The following ZFX variants were observed in gnomAD, a reference collection of about 807,000 sequenced individuals.
ZFX encodes the protein zinc finger X-chromosomal protein.
For synonymous variants in ZFX, 196 were observed against 226.8 expected, an observed-to-expected ratio of 0.86 and a Z score of 1.22; for missense variants, 362 against 628.3, an observed-to-expected ratio of 0.58 and a Z score of 4.53.
At chrX:24,150,235 G>A (rs1396785968) in intron 1 of ZFX, 1 of 100,714 alleles carries the variant, frequency 9.9e-6, no homozygotes, top group Non-Finnish European at 2.1e-5. Context: ...CTGCTGCAGG[G>A]GACGATAGAG....
At chrX:24,174,396 A>ATTT (rs199790697) in intron 4 of ZFX, among the ~76,000 whole-genome samples, 21 of 94,547 alleles carry the variant, frequency 2.2e-4, no homozygotes, top group African/African-American at 4.3e-4. Context: ...TTAAATTAAA[A>ATTT]TTTTTTTTTT....
In ZFX at chrX:24,210,395, G is replaced by A. The variant is rs1937989903; in HGVS notation, c.1437G>A (p.Lys479=). ...TACACAACCACCTGGAGAGCCACAA[G>A]CTGACCAGCAAGGCAGAGAAGGCCA... ...ISLHNHLESH[K]LTSKAEKAIE... The change falls in exon 10 of 10, where the codon AAG becomes AAA. Residue 479 remains lysine (K), a synonymous_variant. Transcript: ENST00000304543. 8.3e-7 allele frequency: 1 copy of A among 1,210,495 alleles called. No individual in the cohort carries two copies. Among genetic ancestry groups the A allele is most frequent in the Admixed American group, 2.2e-5 (1 of 45,783 alleles).
chrX:24,180,428 C>T (rs1368978938), intron 5 of ZFX, among the ~76,000 whole-genome samples: 1 of 106,360 alleles, frequency 9.4e-6, no homozygotes, highest in Non-Finnish European at 1.9e-5. Flanking sequence ...GTCGTCCAGG[C>T]TGGAGTGCAG....
chrX:24,156,949 C>T (rs1177912435), intron 3 of ZFX, among the ~76,000 whole-genome samples: 2 of 111,996 alleles, frequency 1.8e-5, no homozygotes, highest in South Asian at 3.7e-4. Context: ...CCACTGTGCC[C>T]GGCCTTAATA....
In ZFX at chrX:24,212,791, T is replaced by TTTGA. The variant is rs2148078558; in HGVS notation, c.*1418_*1421dup. 1 of 113,090 alleles carries TTTGA rather than the reference T, an allele frequency of 8.8e-6. No individual in the cohort carries two copies. Among genetic ancestry groups the TTTGA allele is most frequent in the East Asian group, 2.8e-4 (1 of 3,612 alleles). The allele number at this position is 113,090 out of a possible 1,213,427, so 9.3% of individuals were successfully genotyped here. A position where few individuals can be genotyped will look rare whatever the true frequency, so the allele number is the denominator to read the frequency against. ...TTAAAAACTTAACACTCAAGTTGGC[T>TTTGA]TTGATTAAAAGGTAAAGATGTGTTT... is the stretch of plus-strand genomic sequence containing the variant. On this transcript the variant is annotated 3_prime_UTR_variant, in exon 10 of 10. Coordinates refer to ENST00000304543, the MANE Select transcript of ZFX (RefSeq NM_003410.4).
intron 5 of ZFX, among the ~76,000 whole-genome samples, chrX:24,195,774 G>A (rs994064764): frequency 1.8e-5 from 2 of 111,314 alleles, no homozygotes; most frequent in Non-Finnish European, 3.8e-5. Flanking sequence ...TTACAGGCAT[G>A]AGCCACCACG....
chrX:24,161,485 A>G (rs1182605329), intron 3 of ZFX, among the ~76,000 whole-genome samples: 1 of 111,503 alleles, frequency 9.0e-6, no homozygotes, highest in Non-Finnish European at 1.9e-5. Flanking sequence ...AACATATATC[A>G]ACACTTATTA....
intron 3 of ZFX, among the ~76,000 whole-genome samples, chrX:24,153,032 C>T (rs739503): frequency 0.014 from 1,529 of 111,988 alleles, 14 homozygotes; most frequent in Middle Eastern, 0.041. Flanking sequence ...AACATGCTCA[C>T]GAATGTGTTA....
chrX:24,207,244 AATT>A, intron 5 of ZFX, 79 bp from the exon 6 acceptor site: 4 of 851,642 alleles, frequency 4.7e-6, no homozygotes, highest in Admixed American at 3.2e-5. Flanking sequence ...CAAAAAAAAA[AATT>A]TTTTTTTTTT....
chrX:24,193,072 G>A (rs1936650940), intron 5 of ZFX, among the ~76,000 whole-genome samples: 1 of 110,870 alleles, frequency 9.0e-6, no homozygotes, highest in Non-Finnish European at 1.9e-5. Context: ...GCAGACACTA[G>A]TATATTGGTT....
intron 3 of ZFX, among the ~76,000 whole-genome samples, chrX:24,170,262 T>C (rs1368088114): frequency 9.2e-6 from 1 of 108,353 alleles, no homozygotes; most frequent in African/African-American, 3.4e-5. Context: ...TTCAAGTAGT[T>C]CTCCCTGCCT....
chrX:24,154,576 T>C (rs1012785041), intron 3 of ZFX, among the ~76,000 whole-genome samples: 17 of 111,587 alleles, frequency 1.5e-4, no homozygotes, highest in African/African-American at 5.2e-4. Context: ...CATAATACTT[T>C]TTATTTGCTC....
chrX:24,175,082 C>T (rs942611575), intron 4 of ZFX, among the ~76,000 whole-genome samples: 3 of 111,797 alleles, frequency 2.7e-5, no homozygotes, highest in Non-Finnish European at 5.6e-5. Context: ...TCTTTTAACT[C>T]GTTTGGTAAT....
At chrX:24,150,381 G>C (rs1280057981) in intron 1 of ZFX, 2 of 111,690 alleles carry the variant, frequency 1.8e-5, no homozygotes, top group Non-Finnish European at 3.8e-5. Flanking sequence ...GGCCCGGCGC[G>C]GCGGCGTGTG....
rs1938076757 is a variant in ZFX, at chrX:24,211,484, T to C, written c.*108T>C. The C allele has an allele frequency of 3.3e-6, 3 of 922,543 alleles. No individual in the cohort carries two copies. The highest frequency in any genetic ancestry group is 2.6e-5 in the South Asian group (1 of 39,149). 76.0% of individuals were successfully genotyped at this position (922,543 alleles called of 1,213,427 possible). A position where few individuals can be genotyped will look rare whatever the true frequency, so the allele number is the denominator to read the frequency against. ...CAATACTGTATATTGATTTATGCTG[T>C]GTACAAATAGAATTATTACTTCTAG... On this transcript the variant is annotated 3_prime_UTR_variant, in exon 10 of 10. Transcript: ENST00000304543.
chrX:24,194,281 C>G (rs1050951168), intron 5 of ZFX, among the ~76,000 whole-genome samples: 2 of 111,609 alleles, frequency 1.8e-5, no homozygotes, highest in East Asian at 2.8e-4. Flanking sequence ...CCTTCTCCCC[C>G]CCACCAAAGC....
chrX:24,209,635 G>A (rs1191112998), intron 9 of ZFX, among the ~76,000 whole-genome samples: 1 of 111,008 alleles, frequency 9.0e-6, no homozygotes, highest in Non-Finnish European at 1.9e-5. Flanking sequence ...GTGCAGTGGC[G>A]TGATCTCAAC....
Position 24,163,865 on chromosome X carries a change from T to G in ZFX, c.-28-8850T>G, listed in dbSNP as rs191685742. On this transcript the variant is annotated intron_variant, in intron 3 of 9. Transcript: ENST00000304543. ...GAAAAAAAAAAAAAAAAAAATTCAT[T>G]ACGATCGGGTTTTCTTTTATTGAGT... Among the ~76,000 whole-genome samples the G allele has an allele frequency of 8.0e-3, 837 of 104,273 alleles. 9 individuals are homozygous for G. Among genetic ancestry groups the G allele is most frequent in the African/African-American group, 0.027 (781 of 28,425 alleles). The allele number at this position is 104,273 out of a possible 115,157, so 90.5% of individuals were successfully genotyped here.
intron 4 of ZFX, among the ~76,000 whole-genome samples, chrX:24,177,251 A>T (rs1384063034): frequency 1.8e-5 from 2 of 112,031 alleles, no homozygotes; most frequent in Non-Finnish European, 3.8e-5. Context: ...TTTATTTTAT[A>T]TTTTTGATAA....
Sources: allele counts gnomAD v4.1 joint callset (sites outside exome capture counted in the v4.1 genomes callset), GRCh38; gene constraint gnomAD v4.1.1; transcripts MANE v1.5; gene names NCBI Gene and HGNC (gene_info 2026-07-23, HGNC 2026-07-21).